Variants in FPGS observed in about 807,000 individuals in gnomAD.
The protein encoded by FPGS is folylpolyglutamate synthase.
In FPGS, 53 loss-of-function variants were observed where a neutral mutation model predicts 66.5. The ratio of observed to expected loss-of-function variants is 0.80; its 90% CI spans 0.64 to 1.00. FPGS has a LOEUF of 1.00. Ranked by LOEUF, FPGS falls within the 50% of genes least tolerant of loss-of-function variation. The pLI is 0.00. For synonymous variants in FPGS, 348 were observed against 350.9 expected, an observed-to-expected ratio of 0.99 and a Z score of 0.09; for missense variants, 702 against 807.7, an observed-to-expected ratio of 0.87 and a Z score of 1.59.
chr9:127,809,014 G>A (rs747209314), intron 11 of FPGS, 125 bp downstream of exon 11: 1 of 739,284 alleles, frequency 1.4e-6, no homozygotes, highest in Non-Finnish European at 2.2e-6. Flanking sequence ...GTGCTTAAGA[G>A]AAAGGACTCT....
intron 13 of FPGS, 85 bp from the exon 14 acceptor site, chr9:127,810,860 A>C: frequency 1.0e-5 from 7 of 694,516 alleles, no homozygotes; most frequent in East Asian, 2.8e-5. Flanking sequence ...CTGCATCTCC[A>C]GAGATGTGGG....
chr9:127,803,584 C>A (rs1829692679), intron 1 of FPGS, among the ~76,000 whole-genome samples: 1 of 152,112 alleles, frequency 6.6e-6, no homozygotes, highest in African/African-American at 2.4e-5. Flanking sequence ...GGCGCTGTGT[C>A]AAGAGCCGGT....
At chr9:127,812,324 T>A (rs1163562343) in intron 14 of FPGS, among the ~76,000 whole-genome samples, 1 of 132,810 alleles carries the variant, frequency 7.5e-6, no homozygotes, top group Non-Finnish European at 1.5e-5. Context: ...GAATCTGCAT[T>A]TTTTTTTTTT....
chr9:127,807,711 G>T lies in FPGS; in HGVS notation c.744+23G>T. 3 of 1,497,560 alleles carry T rather than the reference G, an allele frequency of 2.0e-6. No homozygotes were observed. The highest frequency in any genetic ancestry group is 1.8e-6 in the Non-Finnish European group (2 of 1,100,286). 92.8% of individuals were successfully genotyped at this position (1,497,560 alleles called of 1,614,324 possible). ...AAGGTGACCAGGCAGACTGGGGGAA[G>T]GGAGAGACATGGAAGGCCTGGGAGT... On this transcript the variant is annotated intron_variant, in intron 8 of 14. Coordinates refer to ENST00000373247, the MANE Select transcript of FPGS (RefSeq NM_004957.6). The surrounding 1 kb of genome is among the most constrained non-coding windows in gnomAD (Gnocchi z 5.8).
At chr9:127,814,372 C>G (rs1274862475), downstream of FPGS, 1 of 161,878 alleles carries the variant, frequency 6.2e-6, no homozygotes, top group Non-Finnish European at 1.3e-5. Context: ...GGAGGCCGGG[C>G]ACGGTGGCTC....
Position 127,803,075 on chromosome 9 carries a change from C to T in FPGS, c.138+13C>T. On this transcript the variant is annotated intron_variant, in intron 1 of 14. Coordinates refer to ENST00000373247, the MANE Select transcript of FPGS (RefSeq NM_004957.6). Reference sequence around the variant, plus strand: ...CATGGAGTACCAGGTATCAGGCGGGCCAGCGGGCCAGCGGGCCTGGGCGCG... The same window carrying T: ...CATGGAGTACCAGGTATCAGGCGGGTCAGCGGGCCAGCGGGCCTGGGCGCG... 2 of 1,373,798 alleles carry T rather than the reference C, an allele frequency of 1.5e-6. No homozygotes were observed. Among genetic ancestry groups the T allele is most frequent in the Non-Finnish European group, 1.9e-6 (2 of 1,069,736 alleles). 85.1% of individuals were successfully genotyped at this position (1,373,798 alleles called of 1,614,324 possible).
Position 127,804,304 on chromosome 9 carries a change from A to G in FPGS, c.158A>G (p.Asn53Ser), listed in dbSNP as rs201597477. Reference protein sequence around the residue: ...MEYQDAVRMLNTLQTNAGYLE... With the variant: ...MEYQDAVRMLSTLQTNAGYLE... ...TGCCAGGATGCCGTGCGCATGCTCAATACCCTGCAGACCAATGCCGGCTAC... is the reference window on the plus strand; with the variant it reads ...TGCCAGGATGCCGTGCGCATGCTCAGTACCCTGCAGACCAATGCCGGCTAC... Residue 53 changes from asparagine (N) to serine (S), a missense_variant, in exon 2 of 15, where the codon AAT becomes AGT. Asn to Ser is a conservative substitution (Grantham distance 46, BLOSUM62 1). Coordinates refer to ENST00000373247, the MANE Select transcript of FPGS (RefSeq NM_004957.6). 6 of 1,614,180 alleles carry G rather than the reference A, an allele frequency of 3.7e-6. No homozygotes were observed. Among genetic ancestry groups the G allele is most frequent in the Middle Eastern group, 1.6e-4 (1 of 6,062 alleles).
Position 127,808,693 on chromosome 9 carries a change from C to T in FPGS, c.958C>T (p.Gln320Ter), listed in dbSNP as rs756148731. Reference sequence around the variant, plus strand: ...GCTGGCCCACTGCTGGCTGCAGCGGCAGGACCGCCATGGTGAGTGGGCAGC... The same window carrying T: ...GCTGGCCCACTGCTGGCTGCAGCGGTAGGACCGCCATGGTGAGTGGGCAGC... The part of the protein sequence containing the change: ...LQLAHCWLQR[Q>*]DRHGAGEPKA... Residue 320 changes from glutamine to a stop codon, truncating the protein, a stop_gained, in exon 10 of 15, where the codon CAG becomes TAG. Transcript: ENST00000373247. LOFTEE classifies it high-confidence loss of function. The T allele has an allele frequency of 6.3e-7, 1 of 1,587,618 alleles. No individual in the cohort carries two copies. The highest frequency in any genetic ancestry group is 8.6e-7 in the Non-Finnish European group (1 of 1,167,604).
rs1284236832 is a variant in FPGS at position 127,807,465 on chromosome 9, C to T, written c.624C>T (p.Asp208=). 1 of 1,614,134 alleles carries T rather than the reference C, an allele frequency of 6.2e-7. No homozygotes were observed. The highest frequency in any genetic ancestry group is 1.1e-5 in the South Asian group (1 of 91,084). Reference sequence around the variant, plus strand: ...AGGTGGGCATTGGCGGGGCTTATGACTGCACCAACATCATCAGGTGAGCGC... The same window carrying T: ...AGGTGGGCATTGGCGGGGCTTATGATTGCACCAACATCATCAGGTGAGCGC... ...VVEVGIGGAY[D]CTNIIRKPVV... is the part of the protein sequence containing the mutation. The change falls in exon 7 of 15, where the codon GAC becomes GAT. Residue 208 remains aspartate, a synonymous_variant. Transcript: ENST00000373247. The surrounding 1 kb of genome is among the most constrained non-coding windows in gnomAD (Gnocchi z 5.8).
At chr9:127,808,510 G>A (rs747088361) in intron 9 of FPGS, 48 bp from the exon 10 acceptor site, 100 of 1,606,646 alleles carry the variant, frequency 6.2e-5, no homozygotes, top group African/African-American at 2.8e-4. Context: ...AAGGGCTGAC[G>A]TGGTCAGGGA....
At chr9:127,806,895 T>C in intron 4 of FPGS, 78 bp from the exon 5 acceptor site, 1 of 1,050,790 alleles carries the variant, frequency 9.5e-7, no homozygotes, top group Non-Finnish European at 1.5e-6. Flanking sequence ...CGGAGGCCAG[T>C]AGCATCAGTC....
At position 127,813,280 on chromosome 9, in the gene FPGS, G is replaced by A. The variant is rs1830164112; in HGVS notation, c.1440G>A (p.Glu480=). The change falls in exon 15 of 15, where the codon GAG becomes GAA. Residue 480 remains glutamate (E), a synonymous_variant. Coordinates refer to ENST00000373247, the MANE Select transcript of FPGS (RefSeq NM_004957.6). ...AGCACTGGAACCACCTGGACGAAGA[G>A]CAGGCCAGCCCGGACCTCTGGAGTG... ...HQQHWNHLDE[E]QASPDLWSAP... 6.2e-7 allele frequency: 1 copy of A among 1,612,908 alleles called. No homozygotes were observed. The highest frequency in any genetic ancestry group is 1.1e-5 in the South Asian group (1 of 91,042).
intron 13 of FPGS, 81 bp downstream of exon 13, chr9:127,810,187 C>G: frequency 8.5e-7 from 1 of 1,179,448 alleles, no homozygotes; most frequent in Admixed American, 1.9e-5. Context: ...GGTGCCAATC[C>G]CCTCCCCCTT....
rs1475666881 is a variant in FPGS at position 127,808,620 on chromosome 9, G to A, written c.885G>A (p.Leu295=). The A allele has an allele frequency of 6.2e-7, 1 of 1,611,962 alleles. No individual in the cohort carries two copies. The change falls in exon 10 of 15, where the codon CTG becomes CTA. Residue 295 remains leucine, a synonymous_variant. Coordinates refer to ENST00000373247, the MANE Select transcript of FPGS (RefSeq NM_004957.6). The stretch of plus-strand genomic sequence containing the variant: ...AGGAAGGGGGGCCGCCGCTGACCCT[G>A]GGCCTGGAGGGGGAGCACCAGCGGT... ...ALEEGGPPLT[L]GLEGEHQRSN...
chr9:127,813,317 G>C lies in FPGS; in HGVS notation c.1477G>C (p.Glu493Gln). 1 of 1,613,144 alleles carries C rather than the reference G, an allele frequency of 6.2e-7. No individual in the cohort carries two copies. Among genetic ancestry groups the C allele is most frequent in the South Asian group, 1.1e-5 (1 of 91,066 alleles). The change falls in exon 15 of 15, where the codon GAG (glutamate) becomes CAG (glutamine). Residue 493 changes from glutamate (E) to glutamine (Q), a missense_variant. Glu to Gln is a conservative substitution (Grantham distance 29, BLOSUM62 2). Coordinates refer to ENST00000373247, the MANE Select transcript of FPGS (RefSeq NM_004957.6). The part of the protein sequence containing the change: ...SPDLWSAPSP[E>Q]PGGSASLLLA... ...GGACCTCTGGAGTGCCCCCAGCCCA[G>C]AGCCCGGTGGGTCCGCATCCCTGCT...
chr9:127,810,984 ACAGAGGTGTCATCCACAGG>A lies in FPGS; in HGVS notation c.1330_1348del (p.Glu444ThrfsTer9). Reference sequence around the variant, plus strand: ...CTATGCCGTCTTCTGCCCTAACCTGACAGAGGTGTCATCCACAGGCAACGCAGGTGAGAGGTGACAGGCA... The same window carrying A: ...CTATGCCGTCTTCTGCCCTAACCTGACAACGCAGGTGAGAGGTGACAGGCA... On this transcript the variant is annotated frameshift_variant, in exon 14 of 15. Transcript: ENST00000373247. LOFTEE classifies it low-confidence loss of function (END_TRUNC). The A allele has an allele frequency of 6.3e-7, 1 of 1,589,384 alleles. No individual in the cohort carries two copies. The highest frequency in any genetic ancestry group is 8.6e-7 in the Non-Finnish European group (1 of 1,166,346).
intron 4 of FPGS, among the ~76,000 whole-genome samples, chr9:127,805,782 C>T (rs545232532): frequency 6.6e-6 from 1 of 152,322 alleles, no homozygotes; most frequent in Non-Finnish European, 1.5e-5. Context: ...GATAGGAGCC[C>T]TTCTGCTTGG....
intron 14 of FPGS, among the ~76,000 whole-genome samples, 156 bp downstream of exon 14, chr9:127,811,167 CTTTAT>C (rs1830058733): frequency 6.6e-6 from 1 of 152,132 alleles, no homozygotes; most frequent in South Asian, 2.1e-4. Context: ...CCAAAGTATA[CTTTAT>C]TTAATTTTAT....
At chr9:127,809,905 G>T (rs1829992317) in intron 12 of FPGS, 71 bp downstream of exon 12, 2 of 1,021,426 alleles carry the variant, frequency 2.0e-6, no homozygotes, top group South Asian at 2.8e-5. Flanking sequence ...GGAAGGGCGG[G>T]GCGGGGTCGT....
Sources: gnomAD v4.1 joint callset for allele counts (sites outside exome capture counted in the v4.1 genomes callset) on GRCh38, gnomAD v4.1.1 for gene constraint, Gnocchi (gnomAD v3.1) non-coding constraint, MANE v1.5 for transcripts, NCBI Gene and HGNC (gene_info 2026-07-23, HGNC 2026-07-21) for gene names.